The following TRIP12 variants were observed in gnomAD, a reference collection of about 807,000 sequenced individuals.
TRIP12 encodes thyroid hormone receptor interactor 12.
A neutral mutation model predicts 244.2 loss-of-function variants in TRIP12; 25 were observed. The observed-to-expected ratio is 0.10, with a 90% CI of 0.07 to 0.14. TRIP12 has a LOEUF of 0.14. Ranked by LOEUF, TRIP12 falls within the 10% of genes least tolerant of loss-of-function variation. TRIP12 has a pLI of 1.00. For missense variants in TRIP12, 1,677 were observed against 2,486.4 expected (o/e 0.67, Z 6.92); for synonymous variants, 905 against 873.1 (o/e 1.04, Z -0.64).
At chr2:229,839,058 A>G (rs6714125) in intron 5 of TRIP12, among the ~76,000 whole-genome samples, 48,364 of 152,092 alleles carry the variant, frequency 0.32, 7,866 homozygotes, top group Middle Eastern at 0.44. Flanking sequence ...AGCTACAGTC[A>G]TGTGCTGCAT....
At position 229,796,295 on chromosome 2, in the gene TRIP12, A is replaced by G. The variant is rs2042799624; in HGVS notation, c.3816+296T>C. 2.6e-5 allele frequency among the ~76,000 whole-genome samples: 4 copies of G among 152,242 alleles called. No individual in the cohort carries two copies. The South Asian group carries it at 8.3e-4, about 31-fold the overall frequency. ...CAATACATTTAAAAACAAATATTGC[A>G]AGTAAAATACATTCACAGGTGAGAG... On this transcript the variant is annotated intron_variant, in intron 25 of 41. Coordinates refer to ENST00000675903, the MANE Select transcript of TRIP12 (RefSeq NM_001348323.3).
At chr2:229,920,191 AC>A (rs1474341810) in intron 1 of TRIP12, among the ~76,000 whole-genome samples, 3 of 151,620 alleles carry the variant, frequency 2.0e-5, no homozygotes, top group Non-Finnish European at 4.4e-5. Flanking sequence ...TCAACTTTCT[AC>A]CCCGTATTTT....
At chr2:229,848,389 T>C (rs1275904196) in intron 4 of TRIP12, among the ~76,000 whole-genome samples, 1 of 123,458 alleles carries the variant, frequency 8.1e-6, no homozygotes, top group Non-Finnish European at 1.6e-5. Context: ...ATTAATGTCA[T>C]CAAAAAAGAA....
chr2:229,916,591 T>C (rs1442758685), intron 1 of TRIP12, among the ~76,000 whole-genome samples: 1 of 152,156 alleles, frequency 6.6e-6, no homozygotes, highest in African/African-American at 2.4e-5. Context: ...AACTGACTAC[T>C]GCCAATAGCT....
chr2:229,842,535 A>G lies in TRIP12; in HGVS notation c.1028-1608T>C, dbSNP rs548915576. Among the ~76,000 whole-genome samples, 8 of 152,184 alleles carry G rather than the reference A, an allele frequency of 5.3e-5. No individual in the cohort carries two copies. In the East Asian group the frequency reaches 1.2e-3, roughly 22 times the overall value. On this transcript the variant is annotated intron_variant, in intron 4 of 41. Transcript: ENST00000675903. Reference sequence around the variant, plus strand: ...AGTTAAAGTAGACTTACGAATGTACAGTTTAGAGAGAAAAAAATGCAAATT... The same window carrying G: ...AGTTAAAGTAGACTTACGAATGTACGGTTTAGAGAGAAAAAAATGCAAATT...
At chr2:229,790,566 T>A (rs1281569980) in intron 30 of TRIP12, among the ~76,000 whole-genome samples, 1 of 151,630 alleles carries the variant, frequency 6.6e-6, no homozygotes, top group African/African-American at 2.4e-5. Context: ...CATGGAACAA[T>A]AATATTGTCT....
Position 229,774,238 on chromosome 2 carries a change from T to C in TRIP12, c.5553A>G (p.Ala1851=). ...AGCCATTCATAGTCAAGGTTTCTAA[T>C]GCATACTGTAGACTCTCTTTGGTCT... ...KSQTKESLQY[A]LETLTMNGCS... The change falls in exon 38 of 42, where the codon GCA becomes GCG. Residue 1851 remains alanine, a synonymous_variant. Transcript: ENST00000675903. The C allele has an allele frequency of 2.5e-6, 4 of 1,614,128 alleles. No individual in the cohort carries two copies. Among genetic ancestry groups the C allele is most frequent in the Non-Finnish European group, 3.4e-6 (4 of 1,179,996 alleles).
chr2:229,810,959 C>G lies in TRIP12; in HGVS notation c.2142G>C (p.Gly714=). ...LVVTPPILSS[G]MFIMVVRMFS... ...ACATGCGAACCACCATTATAAACAT[C>G]CCAGAACTTAAAATGGGTGGAGTCA... Residue 714 remains glycine (G), a synonymous_variant, in exon 15 of 42, where the codon GGG becomes GGC. Transcript: ENST00000675903. 6.2e-7 allele frequency: 1 copy of G among 1,614,066 alleles called. No homozygotes were observed. The highest frequency in any genetic ancestry group is 8.5e-7 in the Non-Finnish European group (1 of 1,179,998).
chr2:229,873,422 T>C (rs987426262), intron 2 of TRIP12, among the ~76,000 whole-genome samples: 2 of 152,152 alleles, frequency 1.3e-5, no homozygotes, highest in Non-Finnish European at 2.9e-5. Flanking sequence ...AAAGTAGCCA[T>C]GGAAAATACT....
chr2:229,917,248 GC>G (rs1208243574), intron 1 of TRIP12, among the ~76,000 whole-genome samples: 1 of 151,286 alleles, frequency 6.6e-6, no homozygotes, highest in African/African-American at 2.4e-5. Flanking sequence ...GGGCGTGGTG[GC>G]TGGCACCTGT....
intron 6 of TRIP12, 30 bp from the exon 7 acceptor site, chr2:229,830,869 G>C: frequency 3.7e-6 from 6 of 1,607,374 alleles, no homozygotes; most frequent in Non-Finnish European, 5.1e-6. Flanking sequence ...ATGAGGGTTA[G>C]GAGGAGCACT....
chr2:229,895,655 G>A (rs2068605185), intron 1 of TRIP12, among the ~76,000 whole-genome samples: 1 of 150,620 alleles, frequency 6.6e-6, no homozygotes, highest in Admixed American at 6.7e-5. Context: ...GATATGCAGA[G>A]AATAAAGTGA....
At chr2:229,777,955 T>C (rs1260280201) in intron 36 of TRIP12, among the ~76,000 whole-genome samples, 2 of 152,076 alleles carry the variant, frequency 1.3e-5, no homozygotes, top group African/African-American at 4.8e-5. Context: ...GGCCAGAAGT[T>C]CAAGAGAAAA....
chr2:229,861,495 G>T (rs1390408093), intron 2 of TRIP12, among the ~76,000 whole-genome samples: 2 of 152,094 alleles, frequency 1.3e-5, no homozygotes, highest in East Asian at 3.9e-4. Flanking sequence ...TGAAAATCTA[G>T]AAAAAAGTTT....
At chr2:229,877,777 A>G (rs74988639) in intron 2 of TRIP12, among the ~76,000 whole-genome samples, 2 of 152,144 alleles carry the variant, frequency 1.3e-5, no homozygotes, top group East Asian at 3.8e-4. Context: ...TTTTTAAAAG[A>G]CAGAAGAAAT....
At chr2:229,788,594 T>C (rs113007570) in intron 32 of TRIP12, among the ~76,000 whole-genome samples, 5 of 152,348 alleles carry the variant, frequency 3.3e-5, no homozygotes, top group South Asian at 4.1e-4. Flanking sequence ...GTTTCATACA[T>C]AGACACATAC....
At chr2:229,806,886 G>A (rs1039699706) in intron 17 of TRIP12, among the ~76,000 whole-genome samples, 2 of 152,168 alleles carry the variant, frequency 1.3e-5, no homozygotes, top group African/African-American at 4.8e-5. Flanking sequence ...AAACATCAAA[G>A]ATTGAAATTA....
chr2:229,831,536 C>CTCCT (rs1559711138), intron 6 of TRIP12, among the ~76,000 whole-genome samples: 4 of 152,142 alleles, frequency 2.6e-5, no homozygotes, highest in Non-Finnish European at 5.9e-5. Flanking sequence ...ATGCCTGAGT[C>CTCCT]GAGAGCACTG....
chr2:229,842,918 A>G lies in TRIP12; in HGVS notation c.1028-1991T>C, dbSNP rs567529893. Among the ~76,000 whole-genome samples, 14 of 152,334 alleles carry G rather than the reference A, an allele frequency of 9.2e-5. No individual in the cohort carries two copies. In the South Asian group the frequency reaches 2.9e-3, roughly 32 times the overall value. On this transcript the variant is annotated intron_variant, in intron 4 of 41. Coordinates refer to ENST00000675903, the MANE Select transcript of TRIP12 (RefSeq NM_001348323.3). ...ACTTAAATGTGATAATAATATACTT[A>G]TTGTGAGTGGTTCAGAGTTTGACAA...
Sources: allele counts gnomAD v4.1 joint callset (sites outside exome capture counted in the v4.1 genomes callset), GRCh38; gene constraint gnomAD v4.1.1; transcripts MANE v1.5; gene names NCBI Gene and HGNC (gene_info 2026-07-23, HGNC 2026-07-21).